PALS1: variants seen among roughly 807,000 people sequenced by gnomAD.
The protein encoded by PALS1 is protein PALS1.
PALS1 carries 31 observed loss-of-function variants against 78.9 expected under a neutral mutation model. The observed-to-expected ratio is 0.39, with a 90% CI of 0.30 to 0.53. The LOEUF is 0.53. Among genes scored for constraint, PALS1 ranks in the 20% least tolerant of loss-of-function variants. PALS1 has a pLI of 0.67. For missense variants in PALS1, 704 were observed against 826.5 expected, an observed-to-expected ratio of 0.85 and a Z score of 1.82; for synonymous variants, 276 against 270.9, an observed-to-expected ratio of 1.02 and a Z score of -0.18.
Position 67,333,523 on chromosome 14 carries a change from T to C in PALS1, c.*567T>C, listed in dbSNP as rs888310439. ...TTGGGTTGAAGCTACTTTGTTAGGC[T>C]TGAATTCATTTATATGTCTTTTGAT... On this transcript the variant is annotated 3_prime_UTR_variant, in exon 15 of 15. Coordinates refer to ENST00000261681, the MANE Select transcript of PALS1 (RefSeq NM_022474.4). The C allele has an allele frequency of 5.2e-5, 8 of 152,664 alleles. No individual in the cohort carries two copies. The highest frequency in any genetic ancestry group is 1.9e-4 in the African/African-American group (8 of 41,462). The allele number at this position is 152,664 out of a possible 1,614,324, so 9.5% of individuals were successfully genotyped here.
chr14:67,261,506 A>G (rs1005504398), intron 1 of PALS1, among the ~76,000 whole-genome samples: 2 of 152,292 alleles, frequency 1.3e-5, no homozygotes, highest in South Asian at 4.2e-4. Context: ...AATTTGTATA[A>G]CAGGAGTCTA....
chr14:67,291,812 T>C (rs966233963), intron 3 of PALS1, among the ~76,000 whole-genome samples: 4 of 152,140 alleles, frequency 2.6e-5, no homozygotes, highest in African/African-American at 9.7e-5. Flanking sequence ...TTTTTAAAAA[T>C]AATAATATCA....
chr14:67,245,570 C>T (rs1298671504), intron 1 of PALS1, among the ~76,000 whole-genome samples: 1 of 151,898 alleles, frequency 6.6e-6, no homozygotes, highest in African/African-American at 2.4e-5. Context: ...AGGCTGGTCT[C>T]AGAACTCCTG....
rs144020474 is a variant in PALS1, at chr14:67,312,697, C to T, written c.1212C>T (p.Ala404=). The T allele has an allele frequency of 1.6e-5, 25 of 1,605,900 alleles. No homozygotes were observed. The highest frequency in any genetic ancestry group is 8.9e-5 in the East Asian group (4 of 44,738). Residue 404 remains alanine, a synonymous_variant, in exon 9 of 15, where the codon GCC becomes GCT. Coordinates refer to ENST00000261681, the MANE Select transcript of PALS1 (RefSeq NM_022474.4). ...GGGACGAAGATAATCAACCTCTAGC[C>T]GGGCTTGTTCCAGGTAAGACACAAT... is the stretch of plus-strand genomic sequence containing the variant. ...REGDEDNQPL[A]GLVPGKSFQQ... is the part of the protein sequence containing the mutation.
In PALS1 at chr14:67,317,450, A is replaced by C. The variant is rs978681763; in HGVS notation, c.1340A>C (p.Lys447Thr). 9.3e-6 allele frequency: 15 copies of C among 1,611,368 alleles called. No homozygotes were observed. The highest frequency in any genetic ancestry group is 1.3e-5 in the Non-Finnish European group (15 of 1,178,210). The part of the protein sequence containing the change: ...CAKKNKKKRK[K>T]VLYNANKNDD... Reference sequence around the variant, plus strand: ...AAGAAGAATAAAAAGAAGAGGAAAAAGGTTTTATATAATGCCAATAAAAAT... The same window carrying C: ...AAGAAGAATAAAAAGAAGAGGAAAACGGTTTTATATAATGCCAATAAAAAT... Residue 447 changes from lysine to threonine, a missense_variant, in exon 11 of 15, where the codon AAG becomes ACG. Coordinates refer to ENST00000261681, the MANE Select transcript of PALS1 (RefSeq NM_022474.4).
intron 13 of PALS1, among the ~76,000 whole-genome samples, chr14:67,323,259 G>A (rs200095603): frequency 1.1e-4 from 14 of 125,174 alleles, no homozygotes; most frequent in African/African-American, 2.9e-4. Flanking sequence ...GTGTGTGTGT[G>A]TGTATATATA....
intron 2 of PALS1, among the ~76,000 whole-genome samples, chr14:67,273,064 C>G (rs2084434456): frequency 6.7e-6 from 1 of 148,868 alleles, no homozygotes; most frequent in Non-Finnish European, 1.5e-5. Flanking sequence ...AGTCTGTTCT[C>G]ATTGCCACCC....
At chr14:67,293,073 G>A (rs2140828206) in intron 4 of PALS1, among the ~76,000 whole-genome samples, 1 of 152,142 alleles carries the variant, frequency 6.6e-6, no homozygotes, top group East Asian at 1.9e-4. Context: ...ATACTGATGA[G>A]ATAATTATAA....
chr14:67,256,801 C>CACACACACAA (rs1410156469), intron 1 of PALS1, among the ~76,000 whole-genome samples: 3 of 151,670 alleles, frequency 2.0e-5, no homozygotes, highest in African/African-American at 7.3e-5. Flanking sequence ...ACTATTGACA[C>CACACACACAA]ACACACACAC....
At chr14:67,298,974 G>A (rs924191606) in intron 4 of PALS1, among the ~76,000 whole-genome samples, 3 of 152,266 alleles carry the variant, frequency 2.0e-5, no homozygotes, top group Admixed American at 6.5e-5. Context: ...TAATGTTTTT[G>A]AGATTCATCC....
In PALS1 at chr14:67,333,009, TAGG is replaced by T; in HGVS notation, c.*58_*60del. The T allele has an allele frequency of 1.3e-6, 2 of 1,510,950 alleles. No individual in the cohort carries two copies. Among genetic ancestry groups the T allele is most frequent in the African/African-American group, 1.4e-5 (1 of 72,960 alleles). 93.6% of individuals were successfully genotyped at this position (1,510,950 alleles called of 1,614,324 possible). ...GACTTGATCTGGCAAAAACTGCCAA[TAGG>T]AGGACTGCCCGACACTGCAGCAAGA... On this transcript the variant is annotated 3_prime_UTR_variant, in exon 15 of 15. Coordinates refer to ENST00000261681, the MANE Select transcript of PALS1 (RefSeq NM_022474.4).
intron 3 of PALS1, among the ~76,000 whole-genome samples, chr14:67,287,406 A>G (rs1458665195): frequency 1.3e-5 from 2 of 152,142 alleles, no homozygotes; most frequent in Non-Finnish European, 2.9e-5. Context: ...GACTACAGGG[A>G]TATCAGTTAA....
chr14:67,302,607 T>C (rs1464781873), intron 7 of PALS1, 36 bp downstream of exon 7: 3 of 1,387,260 alleles, frequency 2.2e-6, no homozygotes, highest in Non-Finnish European at 2.8e-6. Flanking sequence ...ATTGATAGCT[T>C]TTAGAAAGCT....
chr14:67,258,600 T>C (rs1339756821), intron 1 of PALS1, among the ~76,000 whole-genome samples: 1 of 152,114 alleles, frequency 6.6e-6, no homozygotes, highest in Non-Finnish European at 1.5e-5. Context: ...TTTTGTACTT[T>C]ATGTAGAAAT....
chr14:67,312,637 A>G lies in PALS1; in HGVS notation c.1152A>G (p.Gln384=). ...QKGDILHVIS[Q]EDPNWWQAYR... ...GTGATATACTTCATGTGATCAGTCA[A>G]GAAGATCCAAACTGGTGGCAGGCCT... is the stretch of plus-strand genomic sequence containing the variant. The change falls in exon 9 of 15, where the codon CAA becomes CAG. Residue 384 remains glutamine (Q), a synonymous_variant. Transcript: ENST00000261681. The G allele has an allele frequency of 6.2e-7, 1 of 1,613,672 alleles. No individual in the cohort carries two copies. The highest frequency in any genetic ancestry group is 8.5e-7 in the Non-Finnish European group (1 of 1,179,736).
intron 1 of PALS1, among the ~76,000 whole-genome samples, chr14:67,246,848 C>G (rs1458728286): frequency 1.3e-5 from 2 of 152,028 alleles, no homozygotes; most frequent in African/African-American, 4.8e-5. Flanking sequence ...GGCGGGGTTT[C>G]ACCGTGTTGG....
intron 7 of PALS1, among the ~76,000 whole-genome samples, chr14:67,303,167 G>A (rs1339588394): frequency 6.6e-6 from 1 of 152,186 alleles, no homozygotes; most frequent in Non-Finnish European, 1.5e-5. Flanking sequence ...ATTGGAGAAA[G>A]TTCTATTGGA....
intron 14 of PALS1, among the ~76,000 whole-genome samples, chr14:67,328,080 C>G (rs8018623): frequency 0.15 from 23,573 of 152,150 alleles, 3,452 homozygotes; most frequent in East Asian, 0.42. Flanking sequence ...AATGGTTGAA[C>G]TAGTTTACGG....
Position 67,323,615 on chromosome 14 carries a change from A to ATAT in PALS1, c.1741-87_1741-86insTAT, listed in dbSNP as rs368656960. On this transcript the variant is annotated intron_variant, in intron 13 of 14. Transcript: ENST00000261681. ...GGCAACAGAGCAAGTCCCTTAATCT[A>ATAT]ATATATATATATATATATATATCAG... 7.1e-3 allele frequency: 1,856 copies of ATAT among 260,284 alleles called. 32 individuals are homozygous for ATAT. The highest frequency in any genetic ancestry group is 0.035 in the African/African-American group (1,422 of 41,152). 16.1% of individuals were successfully genotyped at this position (260,284 alleles called of 1,614,324 possible). A position where few individuals can be genotyped will look rare whatever the true frequency, so the allele number is the denominator to read the frequency against.
Sources: gnomAD v4.1 joint callset for allele counts (sites outside exome capture counted in the v4.1 genomes callset) on GRCh38, gnomAD v4.1.1 for gene constraint, MANE v1.5 for transcripts, NCBI Gene and HGNC (gene_info 2026-07-23, HGNC 2026-07-21) for gene names.